GNAT3: variants seen among roughly 807,000 people sequenced by gnomAD.
GNAT3 encodes the protein G protein subunit alpha transducin 3, also known as guanine nucleotide-binding protein G(t) subunit alpha-3.
A neutral mutation model predicts 37.7 loss-of-function variants in GNAT3; 31 were observed. The ratio of observed to expected loss-of-function variants is 0.82; its 90% CI spans 0.62 to 1.11. The LOEUF is 1.11. GNAT3 is among the 50% of genes most tolerant of loss of function. The pLI, the probability that GNAT3 is intolerant of heterozygous loss-of-function variation, is 0.00. For synonymous variants in GNAT3, 138 were observed against 139.8 expected, an observed-to-expected ratio of 0.99 and a Z score of 0.09; for missense variants, 437 against 412.5, an observed-to-expected ratio of 1.06 and a Z score of -0.51.
In GNAT3 at chr7:80,478,903, A is replaced by C; in HGVS notation, c.399T>G (p.Asp133Glu). 1 of 1,613,386 alleles carries C rather than the reference A, an allele frequency of 6.2e-7. No individual in the cohort carries two copies. ...TTTCAAAGCAGGCCTGAATTCCTGG[A>C]TCTCTCCACAGCCGTTTTATTACCT... is the stretch of plus-strand genomic sequence containing the variant. ...LAEVIKRLWR[D>E]PGIQACFERA... Residue 133 changes from aspartate to glutamate, a missense_variant, in exon 4 of 8, where the codon GAT becomes GAG. By Grantham distance (45) the Asp-to-Glu change is conservative. Transcript: ENST00000398291.
chr7:80,493,907 C>T (rs1469970100), intron 2 of GNAT3, among the ~76,000 whole-genome samples: 2 of 150,396 alleles, frequency 1.3e-5, no homozygotes, highest in Admixed American at 6.7e-5. Context: ...CTCTGCACCT[C>T]CTCCTCCTTT....
chr7:80,505,452 C>T (rs572843026), intron 1 of GNAT3, among the ~76,000 whole-genome samples: 2 of 152,234 alleles, frequency 1.3e-5, no homozygotes, highest in African/African-American at 2.4e-5. Context: ...CTGCAAGCTC[C>T]GCCTCCCGGG....
rs1189583608 is a variant in GNAT3 at position 80,478,859 on chromosome 7, A to G, written c.443T>C (p.Leu148Pro). 4 of 1,613,244 alleles carry G rather than the reference A, an allele frequency of 2.5e-6. No individual in the cohort carries two copies. The South Asian group carries it at 4.4e-5, about 18-fold the overall frequency. ...CACTTACTAAGCTGCTGAGTCATTG[A>G]GCTGATATTCAGATGCCCTTTCAAA... is the stretch of plus-strand genomic sequence containing the variant. The part of the protein sequence containing the change: ...ACFERASEYQ[L>P]NDSAAYYLND... The change falls in exon 4 of 8, where the codon CTC becomes CCC. Residue 148 changes from leucine (L) to proline (P), a missense_variant. By Grantham distance (98) the Leu-to-Pro change is moderately conservative. Transcript: ENST00000398291.
At chr7:80,486,187 A>G (rs1290241893) in intron 3 of GNAT3, among the ~76,000 whole-genome samples, 1 of 152,206 alleles carries the variant, frequency 6.6e-6, no homozygotes, top group Non-Finnish European at 1.5e-5. Flanking sequence ...TAGAGTTCAC[A>G]TAAGTGGAAA....
At chr7:80,460,087 T>C (rs1253414905) in intron 7 of GNAT3, among the ~76,000 whole-genome samples, 2 of 152,228 alleles carry the variant, frequency 1.3e-5, no homozygotes, top group Non-Finnish European at 2.9e-5. Context: ...GATGTCCTTC[T>C]GTAGCTGAAA....
chr7:80,469,535 A>G lies in GNAT3; in HGVS notation c.590+4716T>C, dbSNP rs1319402377. Among the ~76,000 whole-genome samples, 4 of 152,182 alleles carry G rather than the reference A, an allele frequency of 2.6e-5. No individual in the cohort carries two copies. In the East Asian group the frequency reaches 7.7e-4, roughly 29 times the overall value. On this transcript the variant is annotated intron_variant, in intron 5 of 7. Coordinates refer to ENST00000398291, the MANE Select transcript of GNAT3 (RefSeq NM_001102386.3). Reference sequence around the variant, plus strand: ...GCAGTTCTGGTTTGATAAGAACTCTACAGTAATTTCCACTGAATTAGATGA... The same window carrying G: ...GCAGTTCTGGTTTGATAAGAACTCTGCAGTAATTTCCACTGAATTAGATGA...
chr7:80,511,614 A>T (rs1791065744), intron 1 of GNAT3, among the ~76,000 whole-genome samples, 195 bp downstream of exon 1: 1 of 151,972 alleles, frequency 6.6e-6, no homozygotes, highest in Non-Finnish European at 1.5e-5. Flanking sequence ...CTTAACAAAA[A>T]GGTAATAAAA....
At chr7:80,497,924 G>A (rs1269625105) in intron 1 of GNAT3, among the ~76,000 whole-genome samples, 1 of 151,960 alleles carries the variant, frequency 6.6e-6, no homozygotes, top group African/African-American at 2.4e-5. Flanking sequence ...TAAATGAATT[G>A]TCTATCTTGA....
chr7:80,511,669 T>A, intron 1 of GNAT3, 140 bp downstream of exon 1: 1 of 556,336 alleles, frequency 1.8e-6, no homozygotes, highest in South Asian at 2.5e-5. Context: ...TACAAATAAA[T>A]TTTCCTTAAG....
At chr7:80,488,406 G>T in intron 3 of GNAT3, 129 bp downstream of exon 3, 1 of 687,746 alleles carries the variant, frequency 1.5e-6, no homozygotes, top group Non-Finnish European at 2.3e-6. Flanking sequence ...CAGAATTAAT[G>T]TTTCAAAATT....
chr7:80,494,199 GTAATTAAGCATTTTATTCCCAGGT>G (rs1790669562), intron 2 of GNAT3, among the ~76,000 whole-genome samples: 1 of 152,162 alleles, frequency 6.6e-6, no homozygotes, highest in South Asian at 2.1e-4. Context: ...ATTCATGATA[GTAATTAAGCATTTTATTCCCAGGT>G]AGGCAAAATG....
chr7:80,484,264 A>G (rs1790440286), intron 3 of GNAT3, among the ~76,000 whole-genome samples: 1 of 152,178 alleles, frequency 6.6e-6, no homozygotes, highest in Non-Finnish European at 1.5e-5. Context: ...AAAAAATATC[A>G]AAAGAAAGGA....
chr7:80,503,821 A>C (rs1020829691), intron 1 of GNAT3, among the ~76,000 whole-genome samples: 1 of 152,226 alleles, frequency 6.6e-6, no homozygotes, highest in South Asian at 2.1e-4. Flanking sequence ...TGAGCAAAAG[A>C]AAGAATTTTA....
intron 1 of GNAT3, among the ~76,000 whole-genome samples, chr7:80,495,815 A>C (rs1195412737): frequency 6.6e-6 from 1 of 151,776 alleles, no homozygotes; most frequent in Non-Finnish European, 1.5e-5. Flanking sequence ...TGTAGTGAAC[A>C]TTTTCTTACA....
intron 2 of GNAT3, among the ~76,000 whole-genome samples, chr7:80,492,632 A>T (rs1179296802): frequency 4.0e-5 from 6 of 151,588 alleles, no homozygotes; most frequent in African/African-American, 1.4e-4. Flanking sequence ...ACAGGCTTTT[A>T]TATTATTGAA....
chr7:80,484,799 C>A (rs866505899), intron 3 of GNAT3, among the ~76,000 whole-genome samples: 1 of 151,964 alleles, frequency 6.6e-6, no homozygotes, highest in Non-Finnish European at 1.5e-5. Flanking sequence ...TAAGAACAAT[C>A]CCGATTTAGC....
chr7:80,493,141 C>T (rs376261832), intron 2 of GNAT3, among the ~76,000 whole-genome samples: 16 of 151,774 alleles, frequency 1.1e-4, no homozygotes, highest in Admixed American at 4.6e-4. Context: ...TTATTTTTTA[C>T]GCAGCCAAAT....
At chr7:80,470,799 T>G (rs1302265925) in intron 5 of GNAT3, among the ~76,000 whole-genome samples, 1 of 152,040 alleles carries the variant, frequency 6.6e-6, no homozygotes, top group Non-Finnish European at 1.5e-5. Flanking sequence ...AAGAATAAAA[T>G]GTATTTTAAA....
intron 3 of GNAT3, chr7:80,487,786 GTTC>G (rs1226315652): frequency 3.9e-5 from 6 of 152,152 alleles, no homozygotes; most frequent in Admixed American, 3.9e-4. Context: ...AAGTGGGTGA[GTTC>G]TTCTTGTGGA....
Sources: gnomAD v4.1 joint callset for allele counts (sites outside exome capture counted in the v4.1 genomes callset) on GRCh38, gnomAD v4.1.1 for gene constraint, MANE v1.5 for transcripts, NCBI Gene and HGNC (gene_info 2026-07-23, HGNC 2026-07-21) for gene names.